ABLIM1: variants seen among roughly 807,000 people sequenced by gnomAD.
The protein encoded by ABLIM1 is actin binding LIM protein 1.
ABLIM1 carries 40 observed loss-of-function variants against 107.0 expected under a neutral mutation model. That is an observed-to-expected ratio of 0.37 (90% CI 0.29 to 0.49). ABLIM1 has a LOEUF of 0.49. Ranked by LOEUF, ABLIM1 falls within the 20% of genes least tolerant of loss-of-function variation. The pLI, the probability that ABLIM1 is intolerant of heterozygous loss-of-function variation, is 0.97. For synonymous variants in ABLIM1, 357 were observed against 357.3 expected (o/e 1.00, Z 0.01); for missense variants, 857 against 1,008.5 (o/e 0.85, Z 2.04).
At chr10:114,465,958 T>A in intron 11 of ABLIM1, 131 bp from the exon 12 acceptor site, 1 of 1,091,566 alleles carries the variant, frequency 9.2e-7, no homozygotes, top group Non-Finnish European at 1.3e-6. Flanking sequence ...CTTATTTTTA[T>A]GTGCAAATTT....
chr10:114,650,232 CCAA>C (rs2079184484), intron 1 of ABLIM1, among the ~76,000 whole-genome samples: 1 of 152,160 alleles, frequency 6.6e-6, no homozygotes, highest in Non-Finnish European at 1.5e-5. Context: ...GGCTGATTTG[CCAA>C]GTTAACAGGA....
At chr10:114,592,363 G>C (rs1217294125) in intron 2 of ABLIM1, among the ~76,000 whole-genome samples, 2 of 152,126 alleles carry the variant, frequency 1.3e-5, no homozygotes. Context: ...GTTTGTTTAA[G>C]AACGTTCAGG....
At chr10:114,592,103 C>T (rs943200380) in intron 2 of ABLIM1, among the ~76,000 whole-genome samples, 3 of 152,056 alleles carry the variant, frequency 2.0e-5, no homozygotes, top group African/African-American at 4.8e-5. Flanking sequence ...TGTCAGGGGA[C>T]ACAGGCAATA....
Position 114,591,204 on chromosome 10 carries a change from C to T in ABLIM1, c.379+10623G>A, listed in dbSNP as rs142073647. 8.5e-5 allele frequency among the ~76,000 whole-genome samples: 13 copies of T among 152,250 alleles called. No individual in the cohort carries two copies. In the East Asian group the frequency reaches 2.5e-3, roughly 29 times the overall value. Reference sequence around the variant, plus strand: ...GACTACATTGAAAATGACATCATCACTTCAGATGCAAATTCAAGCATGCCA... The same window carrying T: ...GACTACATTGAAAATGACATCATCATTTCAGATGCAAATTCAAGCATGCCA... On this transcript the variant is annotated intron_variant, in intron 2 of 22. Coordinates refer to ENST00000533213, the MANE Select transcript of ABLIM1 (RefSeq NM_002313.7).
intron 1 of ABLIM1, among the ~76,000 whole-genome samples, chr10:114,633,347 A>T (rs1049546853): frequency 6.6e-6 from 1 of 152,100 alleles, no homozygotes; most frequent in Non-Finnish European, 1.5e-5. Flanking sequence ...CTTCACATTC[A>T]TCTTGGGCAG....
chr10:114,641,083 C>CTG (rs113419996), intron 1 of ABLIM1, among the ~76,000 whole-genome samples: 2,900 of 151,858 alleles, frequency 0.019, 86 homozygotes, highest in African/African-American at 0.066. Flanking sequence ...AGCTTGAAAA[C>CTG]TGAAATTCAA....
At chr10:114,658,534 G>A (rs1480163300), upstream of ABLIM1, among the ~76,000 whole-genome samples, 1 of 152,178 alleles carries the variant, frequency 6.6e-6, no homozygotes, top group African/African-American at 2.4e-5. Context: ...AATACTCCTA[G>A]AATATTCAGT....
At chr10:114,654,920 A>G (rs758049925) in intron 1 of ABLIM1, among the ~76,000 whole-genome samples, 12 of 152,168 alleles carry the variant, frequency 7.9e-5, no homozygotes, top group Non-Finnish European at 1.8e-4. Context: ...CTAGCAAGCA[A>G]TCACTTCCTC....
At chr10:114,630,606 A>T (rs2078111745) in intron 1 of ABLIM1, among the ~76,000 whole-genome samples, 1 of 152,216 alleles carries the variant, frequency 6.6e-6, no homozygotes, top group South Asian at 2.1e-4. Context: ...CAATCCATTC[A>T]TTAATATAAT....
At chr10:114,748,783 A>G (rs1187730539) in intron 1 of ABLIM1, among the ~76,000 whole-genome samples, 1 of 151,256 alleles carries the variant, frequency 6.6e-6, no homozygotes, top group Non-Finnish European at 1.5e-5. Context: ...CAGCCTCCTT[A>G]GTAGCTGGGA....
chr10:114,462,449 A>C (rs1174907895), intron 12 of ABLIM1, among the ~76,000 whole-genome samples: 1 of 152,196 alleles, frequency 6.6e-6, no homozygotes, highest in East Asian at 1.9e-4. Context: ...GATGGGGCAG[A>C]AATGTGAGGC....
At chr10:114,506,155 C>T (rs984366796) in intron 6 of ABLIM1, among the ~76,000 whole-genome samples, 1 of 152,190 alleles carries the variant, frequency 6.6e-6, no homozygotes, top group African/African-American at 2.4e-5. Flanking sequence ...AGGATAACAG[C>T]CTCCAGCAGC....
In ABLIM1 at chr10:114,696,599, T is replaced by C. The variant is rs181049879; in HGVS notation, c.-213+71462A>G. Among the ~76,000 whole-genome samples the C allele has an allele frequency of 4.5e-3, 681 of 152,324 alleles. 1 individual carries two copies. The highest frequency in any genetic ancestry group is 7.6e-3 in the Non-Finnish European group (516 of 68,024). ...TTCCCCCATACTGTTCTCATGGTAG[T>C]GAATAAGTCTCATGGGATCTGATGG... is the stretch of plus-strand genomic sequence containing the variant. On this transcript the variant is annotated intron_variant, in intron 1 of 15. Coordinates refer to the ABLIM1 transcript ENST00000651092.
At chr10:114,461,995 T>C (rs994098858) in intron 12 of ABLIM1, among the ~76,000 whole-genome samples, 5 of 152,150 alleles carry the variant, frequency 3.3e-5, no homozygotes, top group Admixed American at 1.3e-4. Flanking sequence ...TTTCAAAACA[T>C]AGAGAATGCT....
rs1565926832 is a variant in ABLIM1, at chr10:114,557,680, T to TG, written c.674-9905_674-9904insC. 5.2e-3 allele frequency among the ~76,000 whole-genome samples: 769 copies of TG among 149,272 alleles called. 11 individuals are homozygous for TG. The highest frequency in any genetic ancestry group is 0.018 in the African/African-American group (735 of 40,718). ...AGCTCCATAGTGAGGTGTTTTTTTT[T>TG]TTTTTTTTTTTTTGGATAAATATAG... On this transcript the variant is annotated intron_variant, in intron 4 of 22. Transcript: ENST00000533213.
intron 8 of ABLIM1, among the ~76,000 whole-genome samples, chr10:114,484,516 G>A (rs908760641): frequency 6.6e-6 from 1 of 152,106 alleles, no homozygotes; most frequent in Non-Finnish European, 1.5e-5. Context: ...CTAAGTAGCT[G>A]GGATTACAGG....
In ABLIM1 at chr10:114,432,378, GT is replaced by G. The variant is rs1387293739; in HGVS notation, c.*3881del. 6.6e-6 allele frequency: 1 copy of G among 152,132 alleles called. No individual in the cohort carries two copies. The highest frequency in any genetic ancestry group is 2.4e-5 in the African/African-American group (1 of 41,422). 9.4% of individuals were successfully genotyped at this position (152,132 alleles called of 1,614,324 possible). On this transcript the variant is annotated 3_prime_UTR_variant, in exon 23 of 23. Transcript: ENST00000533213. ...ATCTTCCATGAGAGTCAGGAAAAGG[GT>G]TCTGTGAGCACCCAACCTGGAGCGG... is the stretch of plus-strand genomic sequence containing the variant.
chr10:114,461,039 G>A (rs2133321816), intron 12 of ABLIM1, among the ~76,000 whole-genome samples: 1 of 152,076 alleles, frequency 6.6e-6, no homozygotes, highest in Non-Finnish European at 1.5e-5. Context: ...TTAAATATCA[G>A]AAATAACCAA....
At chr10:114,689,714 C>CT (rs368170657), upstream of ABLIM1, among the ~76,000 whole-genome samples, 212 of 147,972 alleles carry the variant, frequency 1.4e-3, no homozygotes, top group Middle Eastern at 3.5e-3. Flanking sequence ...CCTTCCTTTC[C>CT]TTTTTTTTTT....
Sources: allele counts gnomAD v4.1 joint callset (sites outside exome capture counted in the v4.1 genomes callset), GRCh38; gene constraint gnomAD v4.1.1; transcripts MANE v1.5; gene names NCBI Gene and HGNC (gene_info 2026-07-23, HGNC 2026-07-21).